FRMPD4: variants seen among roughly 807,000 people sequenced by gnomAD.
FRMPD4 encodes the protein FERM and PDZ domain containing 4.
FRMPD4 carries 22 observed loss-of-function variants against 94.1 expected under a neutral mutation model. The observed-to-expected ratio is 0.23, with a 90% confidence interval of 0.17 to 0.33. FRMPD4 has a LOEUF of 0.33. FRMPD4 is among the 10% of genes least tolerant of loss of function. The probability of loss-of-function intolerance (pLI) is 1.00; values close to 1 mark genes in which losing one functional copy is unlikely to be tolerated. For missense variants in FRMPD4, 1,111 were observed against 1,339.9 expected (o/e 0.83, Z 2.67); for synonymous variants, 631 against 548.6 (o/e 1.15, Z -2.10).
At chrX:12,367,586 G>A (rs1451317136) in intron 1 of FRMPD4, among the ~76,000 whole-genome samples, 8 of 111,644 alleles carry the variant, frequency 7.2e-5, no homozygotes, top group Admixed American at 5.7e-4. Context: ...TTACGGGGCC[G>A]CTGCACTCGT....
chrX:12,223,489 A>G (rs919276743), intron 1 of FRMPD4, among the ~76,000 whole-genome samples: 1 of 111,832 alleles, frequency 8.9e-6, no homozygotes, highest in Admixed American at 9.4e-5. Flanking sequence ...TTGAAAAACT[A>G]TCACGTACTG....
intron 1 of FRMPD4, among the ~76,000 whole-genome samples, chrX:12,344,545 ATTAG>A (rs1337713254): frequency 1.8e-5 from 2 of 112,007 alleles, no homozygotes; most frequent in Non-Finnish European, 3.8e-5. Flanking sequence ...ATTCACCATC[ATTAG>A]GAAGTCAGAG....
intron 1 of FRMPD4, among the ~76,000 whole-genome samples, chrX:12,411,681 G>T (rs753264019): frequency 2.0e-3 from 228 of 111,860 alleles, no homozygotes; most frequent in Non-Finnish European, 3.2e-3. Context: ...GCAGAGGTAG[G>T]TACTCAGGAT....
At chrX:12,618,082 G>A (rs190949671) in intron 4 of FRMPD4, among the ~76,000 whole-genome samples, 13 of 111,043 alleles carry the variant, frequency 1.2e-4, no homozygotes, top group African/African-American at 3.9e-4. Flanking sequence ...TGGTGTTTGA[G>A]GACTAAAATC....
chrX:12,633,657 T>G (rs1349208619), intron 4 of FRMPD4, among the ~76,000 whole-genome samples: 2 of 112,299 alleles, frequency 1.8e-5, no homozygotes, highest in Non-Finnish European at 3.8e-5. Flanking sequence ...CATAGTTTTG[T>G]TTGGTTTTTT....
At chrX:12,620,243 C>A (rs1309489067) in intron 4 of FRMPD4, among the ~76,000 whole-genome samples, 4 of 112,794 alleles carry the variant, frequency 3.5e-5, no homozygotes, top group African/African-American at 1.3e-4. Flanking sequence ...GGTCCAACTA[C>A]AGATCTTAAA....
chrX:12,069,785 A>G (rs1346342980), intron 3 of FRMPD4, among the ~76,000 whole-genome samples: 1 of 111,474 alleles, frequency 9.0e-6, no homozygotes, highest in Admixed American at 9.5e-5. Context: ...GTTTATGAAG[A>G]AAGTGTTTTG....
At chrX:12,449,772 G>A (rs2057242537) in intron 1 of FRMPD4, among the ~76,000 whole-genome samples, 1 of 111,085 alleles carries the variant, frequency 9.0e-6, no homozygotes, top group African/African-American at 3.3e-5. Flanking sequence ...AGCATCACTT[G>A]AGCCCAGGAG....
chrX:12,673,373 G>C (rs2059863323), intron 4 of FRMPD4, among the ~76,000 whole-genome samples: 1 of 111,841 alleles, frequency 8.9e-6, no homozygotes, highest in Admixed American at 9.5e-5. Flanking sequence ...TGTTATCCTG[G>C]AGATGGACAC....
At chrX:12,657,587 C>A (rs1160357309) in intron 4 of FRMPD4, among the ~76,000 whole-genome samples, 1 of 111,728 alleles carries the variant, frequency 9.0e-6, no homozygotes, top group Non-Finnish European at 1.9e-5. Flanking sequence ...ATCCAGCCCA[C>A]ATGCAAAGGA....
At chrX:11,885,352 A>G (rs922945236) in intron 3 of FRMPD4, among the ~76,000 whole-genome samples, 1 of 110,902 alleles carries the variant, frequency 9.0e-6, no homozygotes, top group African/African-American at 3.3e-5. Context: ...AATCTGTTGC[A>G]TAGAGACAGA....
At chrX:12,529,493 T>C (rs1364981589) in intron 2 of FRMPD4, among the ~76,000 whole-genome samples, 2 of 112,661 alleles carry the variant, frequency 1.8e-5, no homozygotes, top group Non-Finnish European at 1.9e-5. Context: ...GCAGGCATCA[T>C]TGGAGGCCAA....
chrX:12,257,749 G>T (rs1348539169), intron 1 of FRMPD4, among the ~76,000 whole-genome samples: 2 of 110,976 alleles, frequency 1.8e-5, no homozygotes, highest in African/African-American at 3.3e-5. Flanking sequence ...GCTTGTTTTA[G>T]GTACCCTGAA....
chrX:12,658,525 G>A (rs1411027264), intron 4 of FRMPD4, among the ~76,000 whole-genome samples: 5 of 111,884 alleles, frequency 4.5e-5, no homozygotes, highest in African/African-American at 1.6e-4. Context: ...AAAAGAAGCC[G>A]TTGGCTTCTT....
chrX:12,080,661 T>C (rs6640884), intron 3 of FRMPD4, among the ~76,000 whole-genome samples: 7,945 of 112,008 alleles, frequency 0.071, 276 homozygotes, highest in East Asian at 0.24. Context: ...AGACAGTTAT[T>C]CCTAGGAGAA....
chrX:12,169,410 C>T (rs1262340511), intron 1 of FRMPD4, among the ~76,000 whole-genome samples: 1 of 112,068 alleles, frequency 8.9e-6, no homozygotes, highest in Non-Finnish European at 1.9e-5. Flanking sequence ...CATCTAAATG[C>T]AGTATACCTT....
At chrX:11,876,239 C>T (rs2053784778) in intron 2 of FRMPD4, among the ~76,000 whole-genome samples, 1 of 111,602 alleles carries the variant, frequency 9.0e-6, no homozygotes, top group South Asian at 3.8e-4. Context: ...GAAATACCAT[C>T]ACCTGTAAAC....
At chrX:12,349,836 G>T (rs965203715) in intron 1 of FRMPD4, among the ~76,000 whole-genome samples, 1 of 111,388 alleles carries the variant, frequency 9.0e-6, no homozygotes, top group African/African-American at 3.3e-5. Flanking sequence ...GGATTTCCTC[G>T]TATTTCATAG....
At chrX:11,891,211 T>C (rs892831288) in intron 3 of FRMPD4, among the ~76,000 whole-genome samples, 1 of 112,314 alleles carries the variant, frequency 8.9e-6, no homozygotes, top group Non-Finnish European at 1.9e-5. Context: ...ACATAACAGG[T>C]GGCTTATGGA....
Sources: allele counts gnomAD v4.1 joint callset (sites outside exome capture counted in the v4.1 genomes callset), GRCh38; gene constraint gnomAD v4.1.1; transcripts MANE v1.5; gene names NCBI Gene and HGNC (gene_info 2026-07-23, HGNC 2026-07-21).